The following KLC2 variants were observed in gnomAD, a reference collection of about 807,000 sequenced individuals.
KLC2 encodes kinesin light chain 2.
Under a neutral mutation model 75.1 loss-of-function variants are expected in KLC2, and 35 were observed. The ratio of observed to expected loss-of-function variants is 0.47; its 90% CI spans 0.36 to 0.62. KLC2 has a LOEUF of 0.62. KLC2 is among the 20% of genes least tolerant of loss of function. The pLI is 0.00. For missense variants in KLC2, 611 were observed against 833.2 expected (o/e 0.73, Z 3.28); for synonymous variants, 314 against 336.7 (o/e 0.93, Z 0.74).
upstream of KLC2, among the ~76,000 whole-genome samples, chr11:66,252,951 G>C (rs547317159): frequency 6.6e-6 from 1 of 151,482 alleles, no homozygotes; most frequent in Non-Finnish European, 1.5e-5. Context: ...AAGCTGGGGA[G>C]ACATGGTCTT....
At chr11:66,262,016 G>A in intron 3 of KLC2, 44 bp downstream of exon 3, 1 of 1,595,178 alleles carries the variant, frequency 6.3e-7, no homozygotes, top group Non-Finnish European at 8.6e-7. Context: ...AGGAGGCCTG[G>A]GAGCAGGGAG....
At position 66,258,566 on chromosome 11, in the gene KLC2, G is replaced by A. The variant is rs750686440; in HGVS notation, c.-11-18G>A. ...CCCCAGGCCCGGCGCCCGCCTGCCC[G>A]CACCCTCGTCCTCACAGACGCCACA... On this transcript the variant is annotated intron_variant, in intron 1 of 15. Coordinates refer to ENST00000394067, the MANE Select transcript of KLC2 (RefSeq NM_001318734.2). 4 of 1,565,126 alleles carry A rather than the reference G, an allele frequency of 2.6e-6. No homozygotes were observed. The South Asian group carries it at 4.5e-5, about 17-fold the overall frequency.
chr11:66,245,729 A>T, the KLC2 span, among the ~76,000 whole-genome samples: 1 of 151,612 alleles, frequency 6.6e-6, no homozygotes, highest in African/African-American at 2.4e-5. Flanking sequence ...AAAAAAAAAA[A>T]ATTTTTGCCG....
upstream of KLC2, among the ~76,000 whole-genome samples, chr11:66,255,771 GT>G (rs67560291): frequency 2.0e-4 from 28 of 140,552 alleles, no homozygotes; most frequent in Non-Finnish European, 2.5e-4. Context: ...TTTTTTTTTA[GT>G]TTTTTTTTTT....
intron 15 of KLC2, 24 bp from the exon 16 acceptor site, chr11:66,266,849 G>C (rs963271018): frequency 3.1e-6 from 5 of 1,611,182 alleles, no homozygotes; most frequent in Non-Finnish European, 4.2e-6. Context: ...ACAGGGCTGA[G>C]CCACCTGCCC....
rs371920997 is a variant in KLC2 at position 66,262,001 on chromosome 11, C to T, written c.459+29C>T. ...AGCTCCTACCATGGTCACTGTTGCC[C>T]AGCAAGGAGGCCTGGGAGCAGGGAG... On this transcript the variant is annotated intron_variant, in intron 3 of 15. Coordinates refer to ENST00000394067, the MANE Select transcript of KLC2 (RefSeq NM_001318734.2). The T allele has an allele frequency of 8.1e-6, 13 of 1,602,670 alleles. No individual in the cohort carries two copies. The African/African-American group carries it at 9.4e-5, about 12-fold the overall frequency.
upstream of KLC2, among the ~76,000 whole-genome samples, chr11:66,254,924 C>CA (rs771208631): frequency 7.3e-4 from 102 of 140,156 alleles, no homozygotes; most frequent in African/African-American, 1.3e-3. Context: ...GACTCCATCT[C>CA]AAAAAAAAAA....
upstream of KLC2, among the ~76,000 whole-genome samples, chr11:66,253,168 C>T (rs1463233198): frequency 6.6e-6 from 1 of 151,996 alleles, no homozygotes; most frequent in Non-Finnish European, 1.5e-5. Flanking sequence ...AGGGTTTCAC[C>T]ATGTTGGCCA....
In KLC2 at chr11:66,267,162, TC is replaced by T. The variant is rs1294041354; in HGVS notation, c.*208del. 5.2e-6 allele frequency: 8 copies of T among 1,545,238 alleles called. No homozygotes were observed. The African/African-American group carries it at 1.1e-4, about 21-fold the overall frequency. On this transcript the variant is annotated 3_prime_UTR_variant, in exon 16 of 16. Transcript: ENST00000394067. ...CACTCCAGCTCCATCCCTTATTTAT[TC>T]CTTCCAGCAGGGCCCTCTTCCCTAG...
chr11:66,266,348 T>TGC, intron 14 of KLC2, 85 bp from the exon 15 acceptor site: 1 of 1,487,626 alleles, frequency 6.7e-7, no homozygotes, highest in Non-Finnish European at 9.2e-7. Flanking sequence ...ACCAGTCTGT[T>TGC]CCCTCCCCAG....
upstream of KLC2, chr11:66,257,467 T>A (rs1296726788): frequency 6.6e-6 from 1 of 152,304 alleles, no homozygotes; most frequent in Non-Finnish European, 1.5e-5. Context: ...ACGTCCTCGA[T>A]GGCGCCATGG....
rs1590880275 is a variant in KLC2 at position 66,267,694 on chromosome 11, G to T, written c.*738G>T. 2 of 512,540 alleles carry T rather than the reference G, an allele frequency of 3.9e-6. No homozygotes were observed. The highest frequency in any genetic ancestry group is 6.6e-5 in the East Asian group (2 of 30,346). 31.7% of individuals were successfully genotyped at this position (512,540 alleles called of 1,614,324 possible). On this transcript the variant is annotated 3_prime_UTR_variant, in exon 16 of 16. Transcript: ENST00000394067. ...CCAGGCACGGCCGACCCCGCCCCGG[G>T]CACCGCCCACCGAGCCATCCTGCCT...
At chr11:66,251,847 T>A in the KLC2 span, among the ~76,000 whole-genome samples, 1 of 152,150 alleles carries the variant, frequency 6.6e-6, no homozygotes, top group Non-Finnish European at 1.5e-5. Context: ...TGCAGGAGAT[T>A]TGGACAGGAC....
upstream of KLC2, among the ~76,000 whole-genome samples, chr11:66,255,931 A>T (rs938061251): frequency 2.6e-4 from 39 of 151,984 alleles, no homozygotes; most frequent in Admixed American, 2.2e-3. Context: ...ACGCACAGCT[A>T]ATTTTTGTAT....
rs564226296 is a variant in KLC2 at position 66,265,677 on chromosome 11, C to T, written c.1357C>T (p.Arg453Cys). The change falls in exon 12 of 16, where the codon CGC (arginine) becomes TGC (cysteine). Residue 453 changes from arginine (R) to cysteine (C), a missense_variant. Arg to Cys is a radical substitution (Grantham distance 180, BLOSUM62 -3). Coordinates refer to ENST00000394067, the MANE Select transcript of KLC2 (RefSeq NM_001318734.2). ...VDSPTVNTTL[R>C]SLGALYRRQG... ...CAGCCCCACAGTCAACACCACCCTG[C>T]GCAGCTTGGGGGCCCTATACCGGCG... 4 of 1,613,620 alleles carry T rather than the reference C, an allele frequency of 2.5e-6. No homozygotes were observed. Among genetic ancestry groups the T allele is most frequent in the African/African-American group, 1.3e-5 (1 of 75,032 alleles).
Position 66,265,009 on chromosome 11 carries a change from CT to C in KLC2, c.1217-11del, listed in dbSNP as rs375946257. The C allele has an allele frequency of 8.8e-5, 142 of 1,612,962 alleles. No individual in the cohort carries two copies. The African/African-American group carries it at 1.6e-3, about 18-fold the overall frequency. Reference sequence around the variant, plus strand: ...TATATGGTAGGCTGGTGACAGTCCCCTTTCTCTCCCCAGGGGACAACAAGCC... The same window carrying C: ...TATATGGTAGGCTGGTGACAGTCCCCTTCTCTCCCCAGGGGACAACAAGCC... On this transcript the variant is annotated splice_polypyrimidine_tract_variant and intron_variant, in intron 9 of 15. Transcript: ENST00000394067.
At chr11:66,262,336 T>C in intron 4 of KLC2, 144 bp downstream of exon 4, 1 of 667,082 alleles carries the variant, frequency 1.5e-6, no homozygotes, top group Non-Finnish European at 2.7e-6. Context: ...CAGTTGTACG[T>C]GCTGCTGCTT....
At position 66,267,813 on chromosome 11, in the gene KLC2, CT is replaced by C; in HGVS notation, c.*858del. Reference sequence around the variant, plus strand: ...CCCTGTTGCGGGTGAGGCGGCTGCTCTCATATTTTCAGATGTTGCTGTAGAA... The same window carrying C: ...CCCTGTTGCGGGTGAGGCGGCTGCTCCATATTTTCAGATGTTGCTGTAGAA... On this transcript the variant is annotated 3_prime_UTR_variant, in exon 16 of 16. Coordinates refer to ENST00000394067, the MANE Select transcript of KLC2 (RefSeq NM_001318734.2). 1 of 302,282 alleles carries C rather than the reference CT, an allele frequency of 3.3e-6. No homozygotes were observed. The highest frequency in any genetic ancestry group is 6.8e-5 in the South Asian group (1 of 14,668). The allele number at this position is 302,282 out of a possible 1,614,324, so 18.7% of individuals were successfully genotyped here. A position where few individuals can be genotyped will look rare whatever the true frequency, so the allele number is the denominator to read the frequency against.
At chr11:66,261,328 G>C (rs936619695) in intron 2 of KLC2, 1 of 162,130 alleles carries the variant, frequency 6.2e-6, no homozygotes, top group African/African-American at 2.4e-5. Flanking sequence ...GGAGTCTTTG[G>C]GTGGTCCTTC....
Sources: gnomAD v4.1 joint callset for allele counts (sites outside exome capture counted in the v4.1 genomes callset) on GRCh38, gnomAD v4.1.1 for gene constraint, MANE v1.5 for transcripts, NCBI Gene and HGNC (gene_info 2026-07-23, HGNC 2026-07-21) for gene names.